Variants in ELOVL6 observed in about 807,000 individuals in gnomAD.
ELOVL6 encodes the protein ELOVL fatty acid elongase 6, also known as very long chain fatty acid elongase 6.
ELOVL6 carries 8 observed loss-of-function variants against 31.7 expected under a neutral mutation model. That is an observed-to-expected ratio of 0.25 (90% CI 0.15 to 0.45). The LOEUF is 0.45. Among genes scored for constraint, ELOVL6 ranks in the 20% least tolerant of loss-of-function variants. The pLI, the probability that ELOVL6 is intolerant of heterozygous loss-of-function variation, is 1.00. For missense variants in ELOVL6, 126 were observed against 326.4 expected, an observed-to-expected ratio of 0.39 and a Z score of 4.73; for synonymous variants, 101 against 117.7, an observed-to-expected ratio of 0.86 and a Z score of 0.92.
chr4:110,168,202 G>A (rs1464768218), intron 1 of ELOVL6, among the ~76,000 whole-genome samples: 1 of 152,042 alleles, frequency 6.6e-6, no homozygotes, highest in Non-Finnish European at 1.5e-5. Context: ...GAATTATATG[G>A]CTATAAATCA....
intron 1 of ELOVL6, among the ~76,000 whole-genome samples, chr4:110,188,000 A>G (rs1759498476): frequency 6.6e-6 from 1 of 152,248 alleles, no homozygotes; most frequent in Non-Finnish European, 1.5e-5. Flanking sequence ...AAATGAAACA[A>G]AAGGTATTCT....
At chr4:110,163,103 C>A (rs574174560) in intron 1 of ELOVL6, among the ~76,000 whole-genome samples, 4 of 152,308 alleles carry the variant, frequency 2.6e-5, no homozygotes, top group Non-Finnish European at 4.4e-5. Context: ...AATGTGCAAT[C>A]AATATCTGAG....
At position 110,051,100 on chromosome 4, in the gene ELOVL6, G is replaced by A. The variant is rs1754825397; in HGVS notation, c.*238C>T. 1.9e-6 allele frequency: 1 copy of A among 523,144 alleles called. No homozygotes were observed. The highest frequency in any genetic ancestry group is 1.9e-5 in the African/African-American group (1 of 52,550). The allele number at this position is 523,144 out of a possible 1,614,324, so 32.4% of individuals were successfully genotyped here. A position where few individuals can be genotyped will look rare whatever the true frequency, so the allele number is the denominator to read the frequency against. On this transcript the variant is annotated 3_prime_UTR_variant, in exon 4 of 4. Coordinates refer to ENST00000302274, the MANE Select transcript of ELOVL6 (RefSeq NM_024090.3). This position sits in a 1 kb window ranked among gnomAD's most constrained non-coding sequence, Gnocchi z 4.8. ...TAGAGTTGATAGATAAAGAGGGAATGGGGTCTTCCAGCAGCAGTGCTTGGA... is the reference window on the plus strand; with the variant it reads ...TAGAGTTGATAGATAAAGAGGGAATAGGGTCTTCCAGCAGCAGTGCTTGGA...
Position 110,198,485 on chromosome 4 carries a change from T to C in ELOVL6, c.-150A>G. ...CTCGGTCTCCAGCGGTCGTCTCTTC[T>C]CCCAGCCTCTCAGCTACATCCAGGG... On this transcript the variant is annotated 5_prime_UTR_variant, in exon 1 of 4. Coordinates refer to ENST00000302274, the MANE Select transcript of ELOVL6 (RefSeq NM_024090.3). 1.7e-6 allele frequency: 1 copy of C among 590,532 alleles called. No individual in the cohort carries two copies. 36.6% of individuals were successfully genotyped at this position (590,532 alleles called of 1,614,324 possible). A position where few individuals can be genotyped will look rare whatever the true frequency, so the allele number is the denominator to read the frequency against.
chr4:110,097,708 T>C (rs1578478899), intron 2 of ELOVL6, among the ~76,000 whole-genome samples: 2 of 152,078 alleles, frequency 1.3e-5, no homozygotes, highest in Admixed American at 1.3e-4. Flanking sequence ...TATATTATTA[T>C]GTTTATTATA....
At chr4:110,110,383 A>T (rs59713760) in intron 1 of ELOVL6, among the ~76,000 whole-genome samples, 3,299 of 144,628 alleles carry the variant, frequency 0.023, 143 homozygotes, top group Admixed American at 0.11. Context: ...GTTAAAAAAA[A>T]TGGAAATTTT....
intron 1 of ELOVL6, among the ~76,000 whole-genome samples, chr4:110,132,423 A>G (rs528176549): frequency 6.6e-6 from 1 of 152,312 alleles, no homozygotes; most frequent in Admixed American, 6.5e-5. Context: ...CAGAAGAGAT[A>G]GAACAGAGAG....
intron 1 of ELOVL6, among the ~76,000 whole-genome samples, chr4:110,167,901 T>C (rs1578274445): frequency 6.6e-6 from 1 of 152,134 alleles, no homozygotes; most frequent in Non-Finnish European, 1.5e-5. Flanking sequence ...TTCTAACAGT[T>C]TGTACAAAAC....
In ELOVL6 at chr4:110,126,979, C is replaced by CAAA. The variant is rs397972931; in HGVS notation, c.90-21354_90-21352dup. ...ATACTTCTGGCTAATACTGTAATTACAAAAAAAAAATCAATGCATTAAAAA... is the reference window on the plus strand; with the variant it reads ...ATACTTCTGGCTAATACTGTAATTACAAAAAAAAAAAAATCAATGCATTAAAAA... On this transcript the variant is annotated intron_variant, in intron 1 of 3. Coordinates refer to ENST00000302274, the MANE Select transcript of ELOVL6 (RefSeq NM_024090.3). 1.2e-4 allele frequency among the ~76,000 whole-genome samples: 17 copies of CAAA among 145,484 alleles called. No individual in the cohort carries two copies. The East Asian group carries it at 1.4e-3, about 12-fold the overall frequency.
At chr4:110,140,285 T>C (rs919262786) in intron 1 of ELOVL6, among the ~76,000 whole-genome samples, 8 of 152,326 alleles carry the variant, frequency 5.3e-5, no homozygotes, top group African/African-American at 1.9e-4. Flanking sequence ...CAATGATTGA[T>C]TGGTGCTTCC....
At chr4:110,148,753 T>C (rs1020849169) in intron 1 of ELOVL6, among the ~76,000 whole-genome samples, 12 of 113,246 alleles carry the variant, frequency 1.1e-4, no homozygotes, top group Non-Finnish European at 2.5e-4. Flanking sequence ...CCCATAAATA[T>C]ATACACTTAC....
chr4:110,090,603 T>TTTTTTTTTTTTTTTTTG (rs1756395193), intron 2 of ELOVL6, among the ~76,000 whole-genome samples: 1 of 139,028 alleles, frequency 7.2e-6, no homozygotes, highest in African/African-American at 2.8e-5. Context: ...TGACTTTCTT[T>TTTTTTTTTTTTTTTTTG]TTTTTTTTTT....
At chr4:110,114,370 G>T (rs1384186310) in intron 1 of ELOVL6, among the ~76,000 whole-genome samples, 4 of 151,384 alleles carry the variant, frequency 2.6e-5, no homozygotes, top group Non-Finnish European at 5.9e-5. Context: ...TTCTTTTCCA[G>T]TCCAGTGGCC....
At chr4:110,107,598 CT>C (rs1756923184) in intron 1 of ELOVL6, among the ~76,000 whole-genome samples, 1 of 152,128 alleles carries the variant, frequency 6.6e-6, no homozygotes, top group South Asian at 2.1e-4. Context: ...GAAGAAAGTA[CT>C]TTTGGCCATA....
At chr4:110,052,319 A>G (rs1365834894) in intron 3 of ELOVL6, among the ~76,000 whole-genome samples, 1 of 152,232 alleles carries the variant, frequency 6.6e-6, no homozygotes, top group African/African-American at 2.4e-5. Context: ...CCCCTCAAAC[A>G]TATATCTTTG....
intron 1 of ELOVL6, among the ~76,000 whole-genome samples, chr4:110,150,943 T>C (rs1049808003): frequency 1.3e-5 from 2 of 151,516 alleles, no homozygotes; most frequent in Non-Finnish European, 2.9e-5. Context: ...CGCAGGAGGC[T>C]GAGGCAGGAA....
chr4:110,195,667 G>A (rs1290656363), intron 1 of ELOVL6, among the ~76,000 whole-genome samples: 1 of 152,162 alleles, frequency 6.6e-6, no homozygotes. Context: ...CAGAAGCCAG[G>A]AAGGGAAAAA....
intron 2 of ELOVL6, among the ~76,000 whole-genome samples, chr4:110,104,629 G>T (rs1279443698): frequency 6.6e-6 from 1 of 152,146 alleles, no homozygotes; most frequent in Non-Finnish European, 1.5e-5. Context: ...ATAGTTTTGT[G>T]TTTCATAGTA....
intron 1 of ELOVL6, among the ~76,000 whole-genome samples, chr4:110,195,351 G>T (rs1489864226): frequency 6.6e-6 from 1 of 151,754 alleles, no homozygotes; most frequent in Non-Finnish European, 1.5e-5. Flanking sequence ...AACTCCTGTC[G>T]TCAGGTAATC....
Sources: allele counts gnomAD v4.1 joint callset (sites outside exome capture counted in the v4.1 genomes callset), GRCh38; gene constraint gnomAD v4.1.1; non-coding constraint Gnocchi (gnomAD v3.1); transcripts MANE v1.5; gene names NCBI Gene and HGNC (gene_info 2026-07-23, HGNC 2026-07-21).